GPR141: variants seen among roughly 807,000 people sequenced by gnomAD.
GPR141 encodes the protein G protein-coupled receptor 141.
A neutral mutation model predicts 6.8 loss-of-function variants in GPR141; 6 were observed. The observed-to-expected ratio is 0.88, with a 90% CI of 0.48 to 1.74. The LOEUF (loss-of-function observed/expected upper bound fraction) is 1.74, where lower values mean the gene tolerates loss of function less well. GPR141 is among the 40% of genes most tolerant of loss of function. The pLI is 0.01. For missense variants in GPR141, 372 were observed against 372.9 expected (o/e 1.00, Z 0.02); for synonymous variants, 140 against 142.3 (o/e 0.98, Z 0.11).
At chr7:37,715,281 G>T (rs757351478) in intron 2 of GPR141, among the ~76,000 whole-genome samples, 1 of 151,952 alleles carries the variant, frequency 6.6e-6, no homozygotes, top group East Asian at 1.9e-4. Context: ...GCCACCAAAC[G>T]TGTCTAATTC....
intron 2 of GPR141, among the ~76,000 whole-genome samples, chr7:37,687,762 G>A (rs955389225): frequency 3.3e-5 from 5 of 152,136 alleles, no homozygotes; most frequent in African/African-American, 4.8e-5. Context: ...CACTCCTCTC[G>A]CTTCGACTGC....
Position 37,741,343 on chromosome 7 carries a change from T to A in GPR141, c.*32T>A. 6.8e-7 allele frequency: 1 copy of A among 1,473,210 alleles called. No individual in the cohort carries two copies. The highest frequency in any genetic ancestry group is 9.2e-7 in the Non-Finnish European group (1 of 1,087,768). 91.3% of individuals were successfully genotyped at this position (1,473,210 alleles called of 1,614,324 possible). A position where few individuals can be genotyped will look rare whatever the true frequency, so the allele number is the denominator to read the frequency against. On this transcript the variant is annotated 3_prime_UTR_variant, in exon 3 of 3. Coordinates refer to ENST00000334425, the MANE Select transcript of GPR141 (RefSeq NM_001381946.1). ...ACTACAGTATTCATATTTGCTTCCT[T>A]TATATTGGGAATAAAAATGGGTATA...
chr7:37,724,291 A>G (rs915104745), intron 2 of GPR141, among the ~76,000 whole-genome samples: 37 of 152,012 alleles, frequency 2.4e-4, no homozygotes, highest in African/African-American at 8.5e-4. Context: ...AAAAATATAT[A>G]TATACATTTT....
chr7:37,715,878 G>T (rs1811024907), intron 2 of GPR141, among the ~76,000 whole-genome samples: 1 of 152,152 alleles, frequency 6.6e-6, no homozygotes, highest in Admixed American at 6.5e-5. Flanking sequence ...ATTTGCCTTT[G>T]ACACCCTTCC....
chr7:37,720,847 T>C (rs1049024178), intron 2 of GPR141, among the ~76,000 whole-genome samples: 8 of 152,216 alleles, frequency 5.3e-5, no homozygotes, highest in African/African-American at 1.9e-4. Flanking sequence ...TTCTCTTACA[T>C]TGCAATCTGA....
At chr7:37,740,315 T>C in intron 2 of GPR141, 65 bp from the exon 3 acceptor site, 1 of 980,446 alleles carries the variant, frequency 1.0e-6, no homozygotes, top group Non-Finnish European at 1.6e-6. Context: ...TTGTCAGTGC[T>C]GTAAAAGAGA....
At chr7:37,716,368 T>C (rs1238393069) in intron 2 of GPR141, among the ~76,000 whole-genome samples, 3 of 152,144 alleles carry the variant, frequency 2.0e-5, no homozygotes, top group Non-Finnish European at 4.4e-5. Context: ...TTGGTACAAA[T>C]AATGGAAAAT....
intron 2 of GPR141, among the ~76,000 whole-genome samples, chr7:37,735,758 T>C (rs1450674643): frequency 1.3e-5 from 2 of 152,152 alleles, no homozygotes; most frequent in Non-Finnish European, 2.9e-5. Context: ...ATAAATGTTC[T>C]TGACGAGCCT....
chr7:37,729,682 G>T (rs535140750), intron 2 of GPR141, among the ~76,000 whole-genome samples: 4 of 152,298 alleles, frequency 2.6e-5, no homozygotes, highest in South Asian at 4.1e-4. Context: ...GGGCCTGAAG[G>T]GCTTGAAAGA....
intron 2 of GPR141, among the ~76,000 whole-genome samples, chr7:37,733,140 G>A (rs557154521): frequency 6.6e-6 from 1 of 152,262 alleles, no homozygotes; most frequent in South Asian, 2.1e-4. Context: ...AGGTCTGGGC[G>A]GGGCTGAGAA....
intron 2 of GPR141, among the ~76,000 whole-genome samples, chr7:37,720,075 G>A (rs1444382957): frequency 6.6e-6 from 1 of 152,172 alleles, no homozygotes; most frequent in African/African-American, 2.4e-5. Flanking sequence ...TACTGCCAGG[G>A]CAACGACATG....
intron 2 of GPR141, among the ~76,000 whole-genome samples, chr7:37,723,048 A>G (rs924013001): frequency 3.6e-5 from 5 of 139,404 alleles, no homozygotes; most frequent in African/African-American, 1.4e-4. Context: ...GTACAGTGGT[A>G]TCTTGTACCA....
At chr7:37,724,760 C>A (rs552481527) in intron 2 of GPR141, among the ~76,000 whole-genome samples, 1 of 152,198 alleles carries the variant, frequency 6.6e-6, no homozygotes, top group Admixed American at 6.5e-5. Context: ...TCAGAACAAC[C>A]TGTGATGCCT....
intron 2 of GPR141, among the ~76,000 whole-genome samples, chr7:37,728,899 G>C (rs545585871): frequency 6.6e-6 from 1 of 152,294 alleles, no homozygotes; most frequent in African/African-American, 2.4e-5. Flanking sequence ...AGTTCCCACA[G>C]CTCCCATAGA....
intron 2 of GPR141, among the ~76,000 whole-genome samples, chr7:37,738,533 GA>G (rs1482243060): frequency 6.6e-6 from 1 of 152,142 alleles, no homozygotes; most frequent in African/African-American, 2.4e-5. Context: ...AGTGTAACAT[GA>G]GACAGCTGTT....
Position 37,718,524 on chromosome 7 carries a change from AAAGGAAGG to A in GPR141, c.-14-21829_-14-21822del, listed in dbSNP as rs746595368. On this transcript the variant is annotated intron_variant, in intron 2 of 2. Transcript: ENST00000334425. ...GAGACTCTGTCTCGAAGGAAGGAAG[AAAGGAAGG>A]AAGGAAGGAAGGAAGGAAGGAAGGA... Among the ~76,000 whole-genome samples, 238 of 55,418 alleles carry A rather than the reference AAAGGAAGG, an allele frequency of 4.3e-3. 1 individual carries two copies. Among genetic ancestry groups the A allele is most frequent in the South Asian group, 0.018 (19 of 1,060 alleles). The allele number at this position is 55,418 out of a possible 152,430, so 36.4% of individuals were successfully genotyped here. A position where few individuals can be genotyped will look rare whatever the true frequency, so the allele number is the denominator to read the frequency against.
At chr7:37,685,746 G>T (rs1809477970) in intron 2 of GPR141, among the ~76,000 whole-genome samples, 163 bp downstream of exon 2, 1 of 146,116 alleles carries the variant, frequency 6.8e-6, no homozygotes, top group Non-Finnish European at 1.5e-5. Context: ...ACTGTGCCTG[G>T]CAGCACTTTT....
chr7:37,691,764 T>C (rs902291961), intron 2 of GPR141, among the ~76,000 whole-genome samples: 1 of 152,196 alleles, frequency 6.6e-6, no homozygotes, highest in Non-Finnish European at 1.5e-5. Context: ...TTTATCTCCA[T>C]TTCTGAAAGA....
At chr7:37,685,948 C>T (rs541987570) in intron 2 of GPR141, among the ~76,000 whole-genome samples, 3 of 151,904 alleles carry the variant, frequency 2.0e-5, no homozygotes, top group Non-Finnish European at 4.4e-5. Flanking sequence ...CTATAAGAGA[C>T]GTAGCATGTT....
Sources: gnomAD v4.1 joint callset for allele counts (sites outside exome capture counted in the v4.1 genomes callset) on GRCh38, gnomAD v4.1.1 for gene constraint, MANE v1.5 for transcripts, NCBI Gene and HGNC (gene_info 2026-07-23, HGNC 2026-07-21) for gene names.